Variants in PCDH19 observed in about 807,000 individuals in gnomAD.
The protein encoded by PCDH19 is protocadherin-19.
A neutral mutation model predicts 46.2 loss-of-function variants in PCDH19; 6 were observed. That is an observed-to-expected ratio of 0.13 (90% CI 0.07 to 0.26). The LOEUF (loss-of-function observed/expected upper bound fraction) is 0.26, where lower values mean the gene tolerates loss of function less well. PCDH19 is among the 10% of genes least tolerant of loss of function. The pLI is 1.00. For missense variants in PCDH19, 740 were observed against 972.3 expected (o/e 0.76, Z 3.18); for synonymous variants, 481 against 415.7 (o/e 1.16, Z -1.91).
chrX:100,309,600 TG>T (rs1052784959), intron 5 of PCDH19, among the ~76,000 whole-genome samples: 1 of 111,877 alleles, frequency 8.9e-6, no homozygotes, highest in African/African-American at 3.2e-5. Flanking sequence ...CAGATTTTTT[TG>T]GGTCACATAA....
At chrX:100,360,494 G>T (rs901131711) in intron 3 of PCDH19, among the ~76,000 whole-genome samples, 1 of 112,241 alleles carries the variant, frequency 8.9e-6, no homozygotes, top group South Asian at 3.7e-4. Flanking sequence ...AAACAGAGGG[G>T]TGTCTCAGTA....
chrX:100,368,591 G>A (rs377355141), intron 3 of PCDH19, among the ~76,000 whole-genome samples: 8 of 111,383 alleles, frequency 7.2e-5, no homozygotes, highest in African/African-American at 2.6e-4. Context: ...TCCCTTCCAG[G>A]AGCTGCTGGA....
At chrX:100,334,326 T>A (rs930163926) in intron 5 of PCDH19, among the ~76,000 whole-genome samples, 10 of 111,478 alleles carry the variant, frequency 9.0e-5, no homozygotes, top group Non-Finnish European at 1.9e-4. Context: ...ATGTTTGAGG[T>A]TAGATATACT....
At chrX:100,363,304 CAAA>C (rs60114664) in intron 3 of PCDH19, among the ~76,000 whole-genome samples, 1 of 61,010 alleles carries the variant, frequency 1.6e-5, no homozygotes, top group Non-Finnish European at 3.1e-5. Flanking sequence ...AACTCCATCT[CAAA>C]AAAAAAAAAA....
intron 3 of PCDH19, among the ~76,000 whole-genome samples, chrX:100,387,632 C>G (rs1927752129): frequency 9.0e-6 from 1 of 111,507 alleles, no homozygotes; most frequent in Non-Finnish European, 1.9e-5. Flanking sequence ...TTAAATTTTA[C>G]TATTTTAAAA....
chrX:100,323,940 G>A (rs749108389), intron 5 of PCDH19, among the ~76,000 whole-genome samples: 3 of 111,338 alleles, frequency 2.7e-5, no homozygotes, highest in Non-Finnish European at 5.7e-5. Context: ...CGAGAGAGGA[G>A]GAAGAAGATA....
At chrX:100,378,055 A>T (rs764369650) in intron 3 of PCDH19, among the ~76,000 whole-genome samples, 14 of 112,577 alleles carry the variant, frequency 1.2e-4, no homozygotes, top group Non-Finnish European at 2.4e-4. Flanking sequence ...GGCAGAAATG[A>T]CCCTGACTAT....
chrX:100,349,207 GCAGA>G (rs2147491506), intron 4 of PCDH19, among the ~76,000 whole-genome samples: 1 of 112,278 alleles, frequency 8.9e-6, no homozygotes, highest in Admixed American at 9.4e-5. Flanking sequence ...CAATTCGGAA[GCAGA>G]AACAAAGCAG....
At position 100,294,791 on chromosome X, in the gene PCDH19, T is replaced by C. The variant is rs1057084021; in HGVS notation, c.*1486A>G. On this transcript the variant is annotated 3_prime_UTR_variant, in exon 6 of 6. Coordinates refer to ENST00000373034, the MANE Select transcript of PCDH19 (RefSeq NM_001184880.2). ...AAATACTATGTTGGCTAGTGAATAT[T>C]AATAGACAAAAGATAAATGGGGGAG... is the stretch of plus-strand genomic sequence containing the variant. 1 of 112,036 alleles carries C rather than the reference T, an allele frequency of 8.9e-6. No homozygotes were observed. Among genetic ancestry groups the C allele is most frequent in the Non-Finnish European group, 1.9e-5 (1 of 53,124 alleles). 9.2% of individuals were successfully genotyped at this position (112,036 alleles called of 1,213,427 possible).
rs1298736688 is a variant in PCDH19 at position 100,295,678 on chromosome X, G to T, written c.*599C>A. On this transcript the variant is annotated 3_prime_UTR_variant, in exon 6 of 6. Transcript: ENST00000373034. ...GCCATCACCACACACATAGCAATTT[G>T]CAATATCAAATACAACAATAGCACA... 1.8e-5 allele frequency: 2 copies of T among 112,225 alleles called. No individual in the cohort carries two copies. The highest frequency in any genetic ancestry group is 3.3e-5 in the African/African-American group (1 of 30,747). 9.2% of individuals were successfully genotyped at this position (112,225 alleles called of 1,213,427 possible).
At chrX:100,296,925 A>G in intron 5 of PCDH19, 50 bp from the exon 6 acceptor site, 5 of 1,069,684 alleles carry the variant, frequency 4.7e-6, no homozygotes, top group Non-Finnish European at 6.5e-6. Context: ...CCCAGGATTC[A>G]CTGTTACTCC....
intron 3 of PCDH19, among the ~76,000 whole-genome samples, chrX:100,393,497 T>TACAC (rs57070852): frequency 0.01 from 903 of 90,032 alleles, 6 homozygotes; most frequent in East Asian, 0.023. Flanking sequence ...CATACATACA[T>TACAC]ACACACACAC....
chrX:100,380,538 A>G (rs1056965278), intron 3 of PCDH19, among the ~76,000 whole-genome samples: 24 of 112,182 alleles, frequency 2.1e-4, no homozygotes, highest in African/African-American at 7.8e-4. Context: ...AAAAAATAGC[A>G]TAGAATGAAA....
rs1156468997 is a variant in PCDH19, at chrX:100,382,080, T to TA, written c.2616+20443dup. 4.4e-3 allele frequency among the ~76,000 whole-genome samples: 453 copies of TA among 102,680 alleles called. 1 individual carries two copies. The highest frequency in any genetic ancestry group is 0.013 in the African/African-American group (377 of 28,480). 89.2% of individuals were successfully genotyped at this position (102,680 alleles called of 115,157 possible). A position where few individuals can be genotyped will look rare whatever the true frequency, so the allele number is the denominator to read the frequency against. On this transcript the variant is annotated intron_variant, in intron 3 of 5. Transcript: ENST00000373034. ...CTATTGGGAACAATATCCAGTAATT[T>TA]AAAAAAAAAAAAAGAAATAGACACA...
chrX:100,403,094 G>A (rs1337401684), intron 2 of PCDH19, among the ~76,000 whole-genome samples: 1 of 111,035 alleles, frequency 9.0e-6, no homozygotes, highest in Non-Finnish European at 1.9e-5. Flanking sequence ...TCTATACTTT[G>A]GATTTGGAAT....
chrX:100,308,553 C>T (rs1484835652), intron 5 of PCDH19, among the ~76,000 whole-genome samples: 1 of 111,480 alleles, frequency 9.0e-6, no homozygotes, highest in Non-Finnish European at 1.9e-5. Context: ...ATTAAAGCTT[C>T]TGCACAGCAA....
At chrX:100,357,205 A>G (rs1290424976) in intron 3 of PCDH19, among the ~76,000 whole-genome samples, 2 of 111,698 alleles carry the variant, frequency 1.8e-5, no homozygotes, top group African/African-American at 3.3e-5. Context: ...ACAGGCATAT[A>G]CTTGTACGCA....
rs1569304478 is a variant in PCDH19, at chrX:100,371,019, GT to G, written c.2617-20316del. Among the ~76,000 whole-genome samples, 35 of 109,884 alleles carry G rather than the reference GT, an allele frequency of 3.2e-4. No homozygotes were observed. The East Asian group carries it at 8.1e-3, about 25-fold the overall frequency. ...TGTGTGTGTGTGTGTGTGTGTGTGT[GT>G]GTGTGGGTGTGTGTGTATGCATGTG... is the stretch of plus-strand genomic sequence containing the variant. On this transcript the variant is annotated intron_variant, in intron 3 of 5. Transcript: ENST00000373034.
chrX:100,363,683 A>C (rs1926970106), intron 3 of PCDH19, among the ~76,000 whole-genome samples: 1 of 100,301 alleles, frequency 1.0e-5, no homozygotes, highest in African/African-American at 3.6e-5. Flanking sequence ...TATATATAAA[A>C]CATATTTTAT....
Sources: allele counts gnomAD v4.1 joint callset (sites outside exome capture counted in the v4.1 genomes callset), GRCh38; gene constraint gnomAD v4.1.1; transcripts MANE v1.5; gene names NCBI Gene and HGNC (gene_info 2026-07-23, HGNC 2026-07-21).